NOVA2: variants seen among roughly 807,000 people sequenced by gnomAD.
NOVA2 encodes RNA-binding protein Nova-2.
NOVA2 carries 9 observed loss-of-function variants against 22.5 expected under a neutral mutation model. The observed-to-expected ratio is 0.40, with a 90% CI of 0.24 to 0.70. The LOEUF is 0.70. Among genes scored for constraint, NOVA2 ranks in the 30% least tolerant of loss-of-function variants. NOVA2 has a pLI of 0.38. For missense variants in NOVA2, 383 were observed against 682.8 expected (o/e 0.56, Z 4.89); for synonymous variants, 318 against 335.2 (o/e 0.95, Z 0.56).
chr19:45,953,997 A>G, intron 2 of NOVA2, 51 bp from the exon 3 acceptor site: 1 of 1,590,866 alleles, frequency 6.3e-7, no homozygotes, highest in Non-Finnish European at 8.6e-7. Flanking sequence ...GAATGGGAAC[A>G]TTCCTGAGAG....
chr19:45,956,460 A>G (rs1472483783), intron 2 of NOVA2, among the ~76,000 whole-genome samples: 1 of 124,970 alleles, frequency 8.0e-6, no homozygotes, highest in Non-Finnish European at 1.7e-5. Flanking sequence ...CTCAGGCACC[A>G]TTCTAAGCAC....
In NOVA2 at chr19:45,962,690, A is replaced by G. The variant is rs546297874; in HGVS notation, c.86-1537T>C. ...GAGATACGGCCTTGCTCTATTGCCC[A>G]GGCTGGAGTGCAGTGGTGCAGTCTC... On this transcript the variant is annotated intron_variant, in intron 1 of 3. Transcript: ENST00000263257. The G allele has an allele frequency of 2.6e-5, 4 of 151,812 alleles. No individual in the cohort carries two copies. The South Asian group carries it at 6.3e-4, about 24-fold the overall frequency. 9.4% of individuals were successfully genotyped at this position (151,812 alleles called of 1,614,324 possible). A position where few individuals can be genotyped will look rare whatever the true frequency, so the allele number is the denominator to read the frequency against.
Position 45,961,010 on chromosome 19 carries a change from C to A in NOVA2, c.229G>T (p.Gly77Ter), listed in dbSNP as rs865906777. Residue 77 changes from glycine (G) to a stop codon, truncating the protein, a stop_gained and splice_region_variant, in exon 2 of 4, where the codon GGA becomes TGA. Coordinates refer to ENST00000263257, the MANE Select transcript of NOVA2 (RefSeq NM_002516.4). LOFTEE classifies it high-confidence loss of function. ...KLSKSKDFYP[G>*]TTERVCLVQG... ...GGCAGAGACCTGGGCCGGGGCTCAC[C>A]GGGGTAGAAGTCTTTGGACTTGGAG... is the stretch of plus-strand genomic sequence containing the variant. The A allele has an allele frequency of 6.4e-7, 1 of 1,571,980 alleles. No homozygotes were observed. The highest frequency in any genetic ancestry group is 8.6e-7 in the Non-Finnish European group (1 of 1,158,218).
rs1249892997 is a variant in NOVA2, at chr19:45,934,222, A to G, written c.*5641T>C. ...CAAGCCTGGAGAGGAGGCTACCTTA[A>G]GGTCCTAAGAAGGATTTAGCAATCG... On this transcript the variant is annotated 3_prime_UTR_variant, in exon 4 of 4. Transcript: ENST00000263257. 1 of 152,196 alleles carries G rather than the reference A, an allele frequency of 6.6e-6. No individual in the cohort carries two copies. The highest frequency in any genetic ancestry group is 1.5e-5 in the Non-Finnish European group (1 of 68,072). 9.4% of individuals were successfully genotyped at this position (152,196 alleles called of 1,614,324 possible). A position where few individuals can be genotyped will look rare whatever the true frequency, so the allele number is the denominator to read the frequency against.
intron 3 of NOVA2, among the ~76,000 whole-genome samples, chr19:45,946,872 TAAA>T (rs35836093): frequency 1.4e-4 from 19 of 133,460 alleles, no homozygotes; most frequent in South Asian, 2.4e-4. Context: ...AGACTCCGTC[TAAA>T]AAAAAAAAAA....
intron 1 of NOVA2, among the ~76,000 whole-genome samples, chr19:45,964,827 T>C (rs973349650): frequency 2.4e-4 from 36 of 152,038 alleles, no homozygotes; most frequent in Admixed American, 2.1e-3. Context: ...TCCAAAAGTG[T>C]TGGGATTACA....
rs150576596 is a variant in NOVA2 at position 45,942,197 on chromosome 19, C to T, written c.397-1252G>A. Reference sequence around the variant, plus strand: ...CCCCTTCAAATTCATATGTTGAAGGCGTAACTTCCAGTACTTTAGAATTTG... The same window carrying T: ...CCCCTTCAAATTCATATGTTGAAGGTGTAACTTCCAGTACTTTAGAATTTG... On this transcript the variant is annotated intron_variant, in intron 3 of 3. Transcript: ENST00000263257. 2.1e-4 allele frequency among the ~76,000 whole-genome samples: 32 copies of T among 152,186 alleles called. No homozygotes were observed. The East Asian group carries it at 6.0e-3, about 28-fold the overall frequency.
At chr19:45,950,516 G>A (rs988715153) in intron 3 of NOVA2, among the ~76,000 whole-genome samples, 2 of 152,202 alleles carry the variant, frequency 1.3e-5, no homozygotes, top group Admixed American at 6.5e-5. Flanking sequence ...CACATGGGAA[G>A]CGCTAAGCCA....
In NOVA2 at chr19:45,935,884, C is replaced by T. The variant is rs931994144; in HGVS notation, c.*3979G>A. On this transcript the variant is annotated 3_prime_UTR_variant, in exon 4 of 4. Coordinates refer to ENST00000263257, the MANE Select transcript of NOVA2 (RefSeq NM_002516.4). The stretch of plus-strand genomic sequence containing the variant: ...CGGAGATAAGCGACACCCTGGTGTT[C>T]CAAGTAGAGGTCCCCAACCATCTAT... The T allele has an allele frequency of 3.3e-5, 5 of 152,264 alleles. No individual in the cohort carries two copies. In the East Asian group the frequency reaches 7.7e-4, roughly 23 times the overall value. The allele number at this position is 152,264 out of a possible 1,614,324, so 9.4% of individuals were successfully genotyped here. A position where few individuals can be genotyped will look rare whatever the true frequency, so the allele number is the denominator to read the frequency against.
At chr19:45,961,176 G>A (rs1430386682) in intron 1 of NOVA2, 23 bp from the exon 2 acceptor site, 11 of 1,590,924 alleles carry the variant, frequency 6.9e-6, no homozygotes, top group Non-Finnish European at 8.6e-6. Context: ...ACAGGGTGGA[G>A]GGGAGTCAGC....
In NOVA2 at chr19:45,945,318, GA is replaced by G. The variant is rs577664610; in HGVS notation, c.397-4374del. ...CCCTGCCTCTAAAAAAAGAAAGAAA[GA>G]AAAAAAAAAGGATTTATTTTGAAGG... is the stretch of plus-strand genomic sequence containing the variant. On this transcript the variant is annotated intron_variant, in intron 3 of 3. Coordinates refer to ENST00000263257, the MANE Select transcript of NOVA2 (RefSeq NM_002516.4). 4.5e-3 allele frequency among the ~76,000 whole-genome samples: 643 copies of G among 143,226 alleles called. 6 individuals carry two copies. Among genetic ancestry groups the G allele is most frequent in the South Asian group, 0.018 (81 of 4,480 alleles). 94.0% of individuals were successfully genotyped at this position (143,226 alleles called of 152,430 possible).
chr19:45,940,201 G>C lies in NOVA2; in HGVS notation c.1141C>G (p.Leu381Val), dbSNP rs1221731037. The C allele has an allele frequency of 6.6e-7, 1 of 1,508,852 alleles. No homozygotes were observed. The highest frequency in any genetic ancestry group is 1.2e-5 in the South Asian group (1 of 83,408). 93.5% of individuals were successfully genotyped at this position (1,508,852 alleles called of 1,614,324 possible). ...CCGGCCGCGGCTGCAGCGGCCACCA[G>C]CGGGCCGCCCCCTCCGCCCGCCCCG... ...GGGAGGGGGP[L>V]VAAAAAAGAA... Residue 381 changes from leucine to valine, a missense_variant, in exon 4 of 4, where the codon CTG (leucine) becomes GTG (valine). Around this residue, in one of 2 missense-constraint regions of NOVA2, gnomAD observed 349 missense variants for 578.1 expected, o/e 0.60. Transcript: ENST00000263257.
intron 1 of NOVA2, among the ~76,000 whole-genome samples, chr19:45,971,926 TG>T (rs934576578): frequency 3.3e-5 from 5 of 151,966 alleles, no homozygotes; most frequent in African/African-American, 1.2e-4. Context: ...CACACCTCCT[TG>T]GGTCACACAC....
chr19:45,960,976 G>T, intron 2 of NOVA2, 34 bp downstream of exon 2: 1 of 1,551,420 alleles, frequency 6.4e-7, no homozygotes, highest in Non-Finnish European at 8.7e-7. Context: ...GGAAGGGCGG[G>T]GGGCCTAGGG....
chr19:45,945,822 T>C (rs1967828264), intron 3 of NOVA2, among the ~76,000 whole-genome samples: 1 of 149,768 alleles, frequency 6.7e-6, no homozygotes, highest in Non-Finnish European at 1.5e-5. Flanking sequence ...TCCCTGACTT[T>C]ATTATTATTA....
chr19:45,964,917 G>A (rs1341536773), intron 1 of NOVA2, among the ~76,000 whole-genome samples: 3 of 152,128 alleles, frequency 2.0e-5, no homozygotes, highest in Non-Finnish European at 4.4e-5. Flanking sequence ...TAAGATGGGG[G>A]TGTGGTAAGA....
At chr19:45,969,422 A>G (rs1198061025) in intron 1 of NOVA2, among the ~76,000 whole-genome samples, 1 of 144,420 alleles carries the variant, frequency 6.9e-6, no homozygotes, top group Non-Finnish European at 1.5e-5. Context: ...TGGGAGCATC[A>G]CCTGATCCTG....
intron 1 of NOVA2, chr19:45,967,776 T>C (rs1217952961): frequency 3.3e-5 from 5 of 152,132 alleles, no homozygotes; most frequent in Non-Finnish European, 7.3e-5. Flanking sequence ...ACCCTGTCTC[T>C]ACTAAAAATA....
At chr19:45,964,561 A>ATCTCTCTCTCTCTCCCTCTCTCTCTC in intron 1 of NOVA2, among the ~76,000 whole-genome samples, 1 of 137,002 alleles carries the variant, frequency 7.3e-6, no homozygotes, top group Non-Finnish European at 1.5e-5. Context: ...ACACTCTCTG[A>ATCTCTCTCTCTCTCCCTCTCTCTCTC]TCTCTCTCTC....
Sources: allele counts gnomAD v4.1 joint callset (sites outside exome capture counted in the v4.1 genomes callset), GRCh38; gene constraint gnomAD v4.1.1; regional missense constraint gnomAD v4.1.1; transcripts MANE v1.5; gene names NCBI Gene and HGNC (gene_info 2026-07-23, HGNC 2026-07-21).